The following SLC25A30 variants were observed in gnomAD, a reference collection of about 807,000 sequenced individuals.
SLC25A30 encodes the protein solute carrier family 25 member 30.
A neutral mutation model predicts 42.7 loss-of-function variants in SLC25A30; 29 were observed. The observed-to-expected ratio is 0.68, with a 90% CI of 0.51 to 0.93. The LOEUF is 0.93. Among genes scored for constraint, SLC25A30 ranks in the 40% least tolerant of loss-of-function variants. The pLI, the probability that SLC25A30 is intolerant of heterozygous loss-of-function variation, is 0.00. For synonymous variants in SLC25A30, 124 were observed against 131.0 expected, an observed-to-expected ratio of 0.95 and a Z score of 0.37; for missense variants, 300 against 359.7, an observed-to-expected ratio of 0.83 and a Z score of 1.34.
intron 6 of SLC25A30, among the ~76,000 whole-genome samples, chr13:45,401,444 C>A (rs1272078549): frequency 6.6e-6 from 1 of 152,154 alleles, no homozygotes; most frequent in African/African-American, 2.4e-5. Context: ...TTGGCCAGGA[C>A]AAGTCACCTC....
chr13:45,397,816 A>G, intron 8 of SLC25A30: 1 of 861,690 alleles, frequency 1.2e-6, no homozygotes, highest in Non-Finnish European at 1.4e-6. Flanking sequence ...TGGAAGACTA[A>G]GGCTCCATGC....
rs760130206 is a variant in SLC25A30 at position 45,404,343 on chromosome 13, G to A, written c.377C>T (p.Pro126Leu). 5 of 1,612,036 alleles carry A rather than the reference G, an allele frequency of 3.1e-6. No homozygotes were observed. In the South Asian group the frequency reaches 3.3e-5, roughly 11 times the overall value. Residue 126 changes from proline (P) to leucine (L), a missense_variant, in exon 5 of 10, where the codon CCA (proline) becomes CTA (leucine). Coordinates refer to ENST00000519676, the MANE Select transcript of SLC25A30 (RefSeq NM_001010875.4). The part of the protein sequence containing the change: ...SGVISSTIAN[P>L]TDVLKIRMQA... Reference sequence around the variant, plus strand: ...ACAGCTTACTTTCAAAACATCAGTTGGATTAGCAATGGTTGAAGATATGAC... The same window carrying A: ...ACAGCTTACTTTCAAAACATCAGTTAGATTAGCAATGGTTGAAGATATGAC...
chr13:45,413,497 G>A (rs1319796136), intron 1 of SLC25A30, among the ~76,000 whole-genome samples: 4 of 151,844 alleles, frequency 2.6e-5, no homozygotes, highest in Non-Finnish European at 4.4e-5. Flanking sequence ...GTTCCTGAAA[G>A]GATGGCTTGA....
intron 2 of SLC25A30, among the ~76,000 whole-genome samples, chr13:45,409,667 G>C (rs1882834964): frequency 1.3e-5 from 2 of 151,960 alleles, no homozygotes; most frequent in African/African-American, 4.8e-5. Context: ...AAATTAGCTG[G>C]GCGTGGTGGC....
chr13:45,429,241 G>C, the SLC25A30 span, among the ~76,000 whole-genome samples: 1 of 151,208 alleles, frequency 6.6e-6, no homozygotes, highest in Admixed American at 6.6e-5. Context: ...GCTAATTTTT[G>C]TATTTTTAGT....
At position 45,394,022 on chromosome 13, in the gene SLC25A30, C is replaced by T. The variant is rs1282863429; in HGVS notation, c.*1952G>A. On this transcript the variant is annotated 3_prime_UTR_variant, in exon 10 of 10. Transcript: ENST00000519676. Reference sequence around the variant, plus strand: ...AAAAGAGCATTTCAAGAAAAGCAATCTTTAAACTCAAAGAACTCAAAAGTG... The same window carrying T: ...AAAAGAGCATTTCAAGAAAAGCAATTTTTAAACTCAAAGAACTCAAAAGTG... The T allele has an allele frequency of 1.0e-6, 1 of 984,994 alleles. No homozygotes were observed. The highest frequency in any genetic ancestry group is 1.7e-5 in the African/African-American group (1 of 57,206). 61.0% of individuals were successfully genotyped at this position (984,994 alleles called of 1,614,324 possible).
intron 5 of SLC25A30, 94 bp downstream of exon 5, chr13:45,404,233 C>T: frequency 1.1e-6 from 1 of 885,544 alleles, no homozygotes; most frequent in Non-Finnish European, 1.9e-6. Flanking sequence ...TTCACATATA[C>T]ACAGATGTTA....
chr13:45,394,197 C>G lies in SLC25A30; in HGVS notation c.*1777G>C. 1.0e-6 allele frequency: 1 copy of G among 985,350 alleles called. No individual in the cohort carries two copies. Among genetic ancestry groups the G allele is most frequent in the Middle Eastern group, 5.2e-4 (1 of 1,914 alleles). The allele number at this position is 985,350 out of a possible 1,614,324, so 61.0% of individuals were successfully genotyped here. A position where few individuals can be genotyped will look rare whatever the true frequency, so the allele number is the denominator to read the frequency against. On this transcript the variant is annotated 3_prime_UTR_variant, in exon 10 of 10. Transcript: ENST00000519676. Reference sequence around the variant, plus strand: ...CTAGGGTTGCCCAGGGAGAGCTGGACTTTCATCTGAGTCTCAGCAATTAAC... The same window carrying G: ...CTAGGGTTGCCCAGGGAGAGCTGGAGTTTCATCTGAGTCTCAGCAATTAAC...
Position 45,394,646 on chromosome 13 carries a change from AG to A in SLC25A30, c.*1327del. The stretch of plus-strand genomic sequence containing the variant: ...GACTAAGATGAAGACAAGAAGGAAG[AG>A]GGCTCTTTCTCTGAAGCAGGTTAGA... On this transcript the variant is annotated 3_prime_UTR_variant, in exon 10 of 10. Coordinates refer to ENST00000519676, the MANE Select transcript of SLC25A30 (RefSeq NM_001010875.4). 1.0e-6 allele frequency: 1 copy of A among 985,430 alleles called. No homozygotes were observed. Among genetic ancestry groups the A allele is most frequent in the Non-Finnish European group, 1.2e-6 (1 of 829,912 alleles). The allele number at this position is 985,430 out of a possible 1,614,324, so 61.0% of individuals were successfully genotyped here. A position where few individuals can be genotyped will look rare whatever the true frequency, so the allele number is the denominator to read the frequency against.
At chr13:45,410,510 A>G (rs887005529) in intron 2 of SLC25A30, among the ~76,000 whole-genome samples, 6 of 152,134 alleles carry the variant, frequency 3.9e-5, no homozygotes, top group African/African-American at 1.4e-4. Context: ...TAATAAAAAT[A>G]TAAGAATTAG....
chr13:45,425,457 TATATATAAATATATATAAGC>T, the SLC25A30 span, among the ~76,000 whole-genome samples: 5 of 100,760 alleles, frequency 5.0e-5, no homozygotes, highest in South Asian at 1.3e-3. Context: ...TATATAAGTG[TATATATAAATATATATAAGC>T]ATATATAAAT....
At chr13:45,399,916 A>T (rs1418869693) in intron 7 of SLC25A30, among the ~76,000 whole-genome samples, 1 of 151,516 alleles carries the variant, frequency 6.6e-6, no homozygotes, top group Non-Finnish European at 1.5e-5. Flanking sequence ...CACTAGCTAT[A>T]TCCCTGGCCT....
intron 6 of SLC25A30, 109 bp downstream of exon 6, chr13:45,402,161 CCTCTT>C: frequency 1.4e-6 from 1 of 701,052 alleles, no homozygotes; most frequent in Non-Finnish European, 2.4e-6. Context: ...AGATGCCACT[CCTCTT>C]CCCTTACTCC....
intron 1 of SLC25A30, chr13:45,411,716 A>G: frequency 2.4e-6 from 1 of 421,736 alleles, no homozygotes; most frequent in South Asian, 2.2e-5. Context: ...TCAAGAAGTA[A>G]TCAGCTACTT....
At chr13:45,399,100 A>G in intron 7 of SLC25A30, 22 bp from the exon 8 acceptor site, 1 of 1,554,768 alleles carries the variant, frequency 6.4e-7, no homozygotes, top group Admixed American at 2.1e-5. Flanking sequence ...CCATTGGAAA[A>G]AAAAAAAAAA....
In SLC25A30 at chr13:45,393,982, T is replaced by A. The variant is rs1881131605; in HGVS notation, c.*1992A>T. ...TGTATGCATATTTGAAAAAGTAAAA[T>A]TTTTCTACATTAAAAAAAGAGCATT... On this transcript the variant is annotated 3_prime_UTR_variant, in exon 10 of 10. Coordinates refer to ENST00000519676, the MANE Select transcript of SLC25A30 (RefSeq NM_001010875.4). The A allele has an allele frequency of 6.1e-6, 6 of 984,604 alleles. No individual in the cohort carries two copies. Among genetic ancestry groups the A allele is most frequent in the Non-Finnish European group, 6.0e-6 (5 of 829,272 alleles). 61.0% of individuals were successfully genotyped at this position (984,604 alleles called of 1,614,324 possible).
chr13:45,424,640 A>AATATATAGAAATATATAGAAATAT, the SLC25A30 span, among the ~76,000 whole-genome samples: 3 of 35,716 alleles, frequency 8.4e-5, no homozygotes, highest in African/African-American at 4.7e-4. Context: ...TATGTATATA[A>AATATATAGAAATATATAGAAATAT]ACATAAATAT....
intron 7 of SLC25A30, among the ~76,000 whole-genome samples, chr13:45,400,020 A>ATATATGTG (rs201935854): frequency 8.5e-6 from 1 of 117,206 alleles, no homozygotes; most frequent in Non-Finnish European, 1.7e-5. Context: ...ATGATTATAT[A>ATATATGTG]TATATATATA....
intron 1 of SLC25A30, chr13:45,411,776 T>TA (rs1390250396): frequency 4.1e-6 from 1 of 245,206 alleles, no homozygotes; most frequent in Non-Finnish European, 8.1e-6. Context: ...GCGGAAGCTG[T>TA]TCTCTGGGAA....
Sources: allele counts gnomAD v4.1 joint callset (sites outside exome capture counted in the v4.1 genomes callset), GRCh38; gene constraint gnomAD v4.1.1; transcripts MANE v1.5; gene names NCBI Gene and HGNC (gene_info 2026-07-23, HGNC 2026-07-21).